Variants in RB1CC1 observed in about 807,000 individuals in gnomAD.
RB1CC1 encodes the protein RB1 inducible coiled-coil 1, also known as RB1-inducible coiled-coil protein 1.
Under a neutral mutation model 177.5 loss-of-function variants are expected in RB1CC1, and 46 were observed. The ratio of observed to expected loss-of-function variants is 0.26; its 90% CI spans 0.20 to 0.33. RB1CC1 has a LOEUF of 0.33. RB1CC1 is among the 10% of genes least tolerant of loss of function. The pLI, the probability that RB1CC1 is intolerant of heterozygous loss-of-function variation, is 1.00. For synonymous variants in RB1CC1, 666 were observed against 613.6 expected (o/e 1.09, Z -1.26); for missense variants, 1,703 against 1,816.3 (o/e 0.94, Z 1.13).
intron 15 of RB1CC1, among the ~76,000 whole-genome samples, chr8:52,648,670 T>A (rs544170944): frequency 6.6e-6 from 1 of 152,268 alleles, no homozygotes; most frequent in Non-Finnish European, 1.5e-5. Context: ...TTTTCCAATA[T>A]ATGCACTGTG....
chr8:52,688,799 A>G (rs1317098715), intron 1 of RB1CC1, among the ~76,000 whole-genome samples: 3 of 152,148 alleles, frequency 2.0e-5, no homozygotes, highest in Non-Finnish European at 4.4e-5. Context: ...TCACTGTCCT[A>G]CCGATATGTG....
intron 8 of RB1CC1, among the ~76,000 whole-genome samples, chr8:52,662,086 A>G (rs1165971944): frequency 6.6e-6 from 1 of 152,078 alleles, no homozygotes; most frequent in Non-Finnish European, 1.5e-5. Flanking sequence ...ACAATAAGGG[A>G]TTTAATCTAG....
At chr8:52,673,336 G>A (rs560378066) in intron 7 of RB1CC1, among the ~76,000 whole-genome samples, 5 of 152,254 alleles carry the variant, frequency 3.3e-5, no homozygotes, top group African/African-American at 1.2e-4. Flanking sequence ...GTGTGCTGGA[G>A]AAGACCTTAA....
chr8:52,695,794 T>G (rs1419344596), intron 1 of RB1CC1, among the ~76,000 whole-genome samples: 1 of 152,188 alleles, frequency 6.6e-6, no homozygotes. Flanking sequence ...GATTTTAATT[T>G]TTGTATCCTT....
intron 18 of RB1CC1, 73 bp from the exon 19 acceptor site, chr8:52,636,142 ATAT>A: frequency 1.4e-6 from 2 of 1,455,458 alleles, no homozygotes; most frequent in Non-Finnish European, 1.8e-6. Flanking sequence ...AGAAATTAAA[ATAT>A]TAATACAGAT....
At chr8:52,707,418 CTTTTT>C (rs1329582117) in intron 1 of RB1CC1, among the ~76,000 whole-genome samples, 1 of 141,280 alleles carries the variant, frequency 7.1e-6, no homozygotes, top group African/African-American at 2.6e-5. Flanking sequence ...TTTTTCTTTT[CTTTTT>C]CTTTCTTTCT....
intron 18 of RB1CC1, among the ~76,000 whole-genome samples, chr8:52,640,400 A>G (rs937743686): frequency 6.6e-6 from 1 of 152,252 alleles, no homozygotes; most frequent in African/African-American, 2.4e-5. Context: ...TAAAGAAATG[A>G]TAAACGTTTG....
intron 13 of RB1CC1, 122 bp from the exon 14 acceptor site, chr8:52,658,246 C>T: frequency 1.8e-6 from 2 of 1,119,672 alleles, no homozygotes; most frequent in Non-Finnish European, 2.5e-6. Context: ...TAAATTAATA[C>T]CAGAAGTATT....
In RB1CC1 at chr8:52,642,825, A is replaced by T; in HGVS notation, c.3988-13T>A. On this transcript the variant is annotated splice_polypyrimidine_tract_variant and intron_variant, in intron 16 of 23. Coordinates refer to ENST00000025008, the MANE Select transcript of RB1CC1 (RefSeq NM_014781.5). ...TGTTAAAATTGGTCTGGAACAAGAG[A>T]ATAATTATTTAAATTTATCTACATG... is the stretch of plus-strand genomic sequence containing the variant. The T allele has an allele frequency of 6.6e-7, 1 of 1,520,130 alleles. No homozygotes were observed. Among genetic ancestry groups the T allele is most frequent in the Non-Finnish European group, 8.8e-7 (1 of 1,142,552 alleles). 94.2% of individuals were successfully genotyped at this position (1,520,130 alleles called of 1,614,324 possible).
At position 52,658,906 on chromosome 8, in the gene RB1CC1, G is replaced by A; in HGVS notation, c.1760C>T (p.Ser587Leu). ...TGGCTGAACTTCCGAAGGACAAAAT[G>A]ATTGCAGAAACTGTAAATCTTTTAA... ...ISLKDLQFLQ[S>L]FCPSEVQPFL... The change falls in exon 13 of 24, where the codon TCA becomes TTA. Residue 587 changes from serine (S) to leucine (L), a missense_variant. Around this residue, in one of 6 missense-constraint regions of RB1CC1, gnomAD observed 1,169 missense variants for 1,184.7 expected, o/e 0.99. Coordinates refer to ENST00000025008, the MANE Select transcript of RB1CC1 (RefSeq NM_014781.5). 6.3e-7 allele frequency: 1 copy of A among 1,586,834 alleles called. No homozygotes were observed. Among genetic ancestry groups the A allele is most frequent in the Non-Finnish European group, 8.6e-7 (1 of 1,168,340 alleles).
chr8:52,666,900 G>A (rs1016374686), intron 8 of RB1CC1, among the ~76,000 whole-genome samples: 2 of 152,160 alleles, frequency 1.3e-5, no homozygotes, highest in African/African-American at 2.4e-5. Context: ...GGTCTAACAC[G>A]TCTAACTGGA....
chr8:52,683,425 G>T, intron 5 of RB1CC1, 124 bp downstream of exon 5: 1 of 882,894 alleles, frequency 1.1e-6, no homozygotes, highest in Non-Finnish European at 1.5e-6. Flanking sequence ...ATATTAACCG[G>T]AAAATATTTT....
chr8:52,707,950 G>A (rs1387004845), intron 1 of RB1CC1, among the ~76,000 whole-genome samples: 2 of 152,160 alleles, frequency 1.3e-5, no homozygotes, highest in Admixed American at 6.5e-5. Flanking sequence ...TCTATAAATT[G>A]CAACGATACC....
rs140078881 is a variant in RB1CC1 at position 52,626,927 on chromosome 8, A to G, written c.4636+1105T>C. Among the ~76,000 whole-genome samples, 11 of 152,282 alleles carry G rather than the reference A, an allele frequency of 7.2e-5. No individual in the cohort carries two copies. In the East Asian group the frequency reaches 1.5e-3, roughly 21 times the overall value. On this transcript the variant is annotated intron_variant, in intron 22 of 23. Transcript: ENST00000025008. Reference sequence around the variant, plus strand: ...GGGCATAGTGGTGGTGCAAATCTATAGTACCTAGTCCCAGCTACTCAGGAG... The same window carrying G: ...GGGCATAGTGGTGGTGCAAATCTATGGTACCTAGTCCCAGCTACTCAGGAG...
intron 1 of RB1CC1, among the ~76,000 whole-genome samples, chr8:52,702,860 G>C: frequency 6.6e-6 from 1 of 150,954 alleles, no homozygotes; most frequent in South Asian, 2.1e-4. Flanking sequence ...AAAAAAAAAA[G>C]AAATCACAGT....
At chr8:52,659,418 C>G (rs1207658831) in intron 12 of RB1CC1, among the ~76,000 whole-genome samples, 4 of 151,726 alleles carry the variant, frequency 2.6e-5, no homozygotes, top group Non-Finnish European at 5.9e-5. Context: ...TTGACTTTTC[C>G]ATTACATTTT....
intron 22 of RB1CC1, among the ~76,000 whole-genome samples, chr8:52,627,269 C>G (rs1225503010): frequency 6.6e-6 from 1 of 152,150 alleles, no homozygotes; most frequent in Non-Finnish European, 1.5e-5. Flanking sequence ...ATTGCTTGAA[C>G]CTGGGAGGCA....
intron 22 of RB1CC1, among the ~76,000 whole-genome samples, chr8:52,626,209 T>G (rs141566495): frequency 6.6e-6 from 1 of 152,182 alleles, no homozygotes; most frequent in Non-Finnish European, 1.5e-5. Context: ...GGTAGCATGA[T>G]CCCAACTGGC....
At chr8:52,671,224 CTA>C (rs1279384709) in intron 7 of RB1CC1, among the ~76,000 whole-genome samples, 2 of 152,118 alleles carry the variant, frequency 1.3e-5, no homozygotes, top group Non-Finnish European at 2.9e-5. Context: ...TCCAAAATAC[CTA>C]TGTCTCGACT....
Sources: allele counts gnomAD v4.1 joint callset (sites outside exome capture counted in the v4.1 genomes callset), GRCh38; gene constraint gnomAD v4.1.1; regional missense constraint gnomAD v4.1.1; transcripts MANE v1.5; gene names NCBI Gene and HGNC (gene_info 2026-07-23, HGNC 2026-07-21).